Variants in TMEM108 observed in about 807,000 individuals in gnomAD.
TMEM108 encodes cancer/testis antigen 124.
In TMEM108, 12 loss-of-function variants were observed where a neutral mutation model predicts 35.1. The ratio of observed to expected loss-of-function variants is 0.34; its 90% CI spans 0.22 to 0.55. The LOEUF is 0.55. TMEM108 is among the 20% of genes least tolerant of loss of function. TMEM108 has a pLI of 0.89. For synonymous variants in TMEM108, 287 were observed against 308.6 expected (o/e 0.93, Z 0.73); for missense variants, 680 against 753.3 (o/e 0.90, Z 1.14).
intron 3 of TMEM108, among the ~76,000 whole-genome samples, chr3:133,334,807 A>C (rs978927388): frequency 2.6e-5 from 4 of 152,234 alleles, no homozygotes; most frequent in African/African-American, 9.6e-5. Flanking sequence ...TAACTGATAC[A>C]TGGTGTTCCT....
intron 3 of TMEM108, among the ~76,000 whole-genome samples, chr3:133,334,534 C>T (rs2071454387): frequency 6.6e-6 from 1 of 152,060 alleles, no homozygotes; most frequent in Non-Finnish European, 1.5e-5. Context: ...CTGTGTCCAT[C>T]TGGCAGGAGG....
At chr3:133,197,448 T>C (rs1945595308) in intron 2 of TMEM108, among the ~76,000 whole-genome samples, 1 of 152,154 alleles carries the variant, frequency 6.6e-6, no homozygotes, top group African/African-American at 2.4e-5. Flanking sequence ...GGTAGGAGCT[T>C]GATTCTATCA....
chr3:133,058,811 A>G (rs1015385098), intron 2 of TMEM108, among the ~76,000 whole-genome samples: 3 of 152,214 alleles, frequency 2.0e-5, no homozygotes, highest in Non-Finnish European at 2.9e-5. Context: ...GGATCCTGCC[A>G]TGTGCTTCTC....
At chr3:133,170,829 T>C (rs1459441932) in intron 2 of TMEM108, among the ~76,000 whole-genome samples, 2 of 152,222 alleles carry the variant, frequency 1.3e-5, no homozygotes, top group Non-Finnish European at 2.9e-5. Context: ...TGCTGAATTG[T>C]GGAGGTTTAA....
At chr3:133,260,304 A>ATT (rs1034898878) in intron 3 of TMEM108, among the ~76,000 whole-genome samples, 2 of 133,296 alleles carry the variant, frequency 1.5e-5, no homozygotes, top group Non-Finnish European at 3.2e-5. Context: ...AAAAAAAAAA[A>ATT]TTTATTATCA....
intron 2 of TMEM108, among the ~76,000 whole-genome samples, chr3:133,103,312 C>G (rs770918858): frequency 6.6e-6 from 1 of 152,116 alleles, no homozygotes; most frequent in Non-Finnish European, 1.5e-5. Context: ...ATGCCATTAT[C>G]CTTAGCAAAC....
At chr3:133,144,096 A>G (rs576593267) in intron 2 of TMEM108, among the ~76,000 whole-genome samples, 10 of 151,810 alleles carry the variant, frequency 6.6e-5, no homozygotes, top group Non-Finnish European at 1.5e-4. Context: ...TATATTAGGT[A>G]TTTCTCCTAA....
At chr3:133,138,948 G>C (rs1405947770) in intron 2 of TMEM108, among the ~76,000 whole-genome samples, 1 of 150,238 alleles carries the variant, frequency 6.7e-6, no homozygotes, top group East Asian at 2.0e-4. Context: ...CCCTGTGTGT[G>C]ATGTTCCCCT....
Position 133,277,504 on chromosome 3 carries a change from A to G in TMEM108, c.40+48153A>G, listed in dbSNP as rs775543812. On this transcript the variant is annotated intron_variant, in intron 3 of 5. Transcript: ENST00000321871. ...AGATAGATGTTCCAAAGGGATAGCC[A>G]TGGGAGAGGTGAGGATCCCTGACTC... Among the ~76,000 whole-genome samples the G allele has an allele frequency of 4.1e-4, 62 of 152,240 alleles. 1 individual carries two copies. The highest frequency in any genetic ancestry group is 1.3e-4 in the Non-Finnish European group (9 of 68,040).
intron 2 of TMEM108, among the ~76,000 whole-genome samples, chr3:133,212,961 C>T (rs919950703): frequency 1.3e-5 from 2 of 151,416 alleles, no homozygotes; most frequent in East Asian, 1.9e-4. Flanking sequence ...GATATTCCTG[C>T]GTTTAATATG....
chr3:133,202,865 C>G (rs1945691539), intron 2 of TMEM108, among the ~76,000 whole-genome samples: 1 of 152,152 alleles, frequency 6.6e-6, no homozygotes, highest in Non-Finnish European at 1.5e-5. Context: ...ATCATTGAAT[C>G]TATAAATTAC....
intron 3 of TMEM108, among the ~76,000 whole-genome samples, chr3:133,345,248 A>G (rs2071781470): frequency 6.6e-6 from 1 of 151,930 alleles, no homozygotes. Flanking sequence ...CTAAGAATGC[A>G]AAGATGGATT....
chr3:133,370,433 T>C (rs1285259774), intron 3 of TMEM108, among the ~76,000 whole-genome samples: 1 of 152,234 alleles, frequency 6.6e-6, no homozygotes, highest in African/African-American at 2.4e-5. Context: ...AGGGTACATA[T>C]TGTCATCATG....
At chr3:133,213,941 A>G (rs557333074) in intron 2 of TMEM108, among the ~76,000 whole-genome samples, 1 of 152,258 alleles carries the variant, frequency 6.6e-6, no homozygotes, top group Non-Finnish European at 1.5e-5. Flanking sequence ...AATAAATCCA[A>G]TTTTAATATG....
At chr3:133,282,926 A>G (rs1946935260) in intron 3 of TMEM108, among the ~76,000 whole-genome samples, 1 of 152,234 alleles carries the variant, frequency 6.6e-6, no homozygotes, top group African/African-American at 2.4e-5. Context: ...TTTCCAAAAC[A>G]TATGGATAAA....
chr3:133,231,943 T>G (rs1460635342), intron 3 of TMEM108, among the ~76,000 whole-genome samples: 1 of 152,112 alleles, frequency 6.6e-6, no homozygotes, highest in African/African-American at 2.4e-5. Context: ...TGGCCCAGGG[T>G]GCTCAGTGAG....
chr3:133,216,257 T>C (rs1945906895), intron 2 of TMEM108, among the ~76,000 whole-genome samples: 1 of 152,114 alleles, frequency 6.6e-6, no homozygotes, highest in Non-Finnish European at 1.5e-5. Flanking sequence ...TCCTTCTGAC[T>C]CAGTGCAAGT....
chr3:133,066,378 C>A lies in TMEM108; in HGVS notation c.-47+20358C>A, dbSNP rs186590241. ...TCTAGAAAGGATTTAGGATGGTTTA[C>A]AAAGATTCATAAAAAATAATAACTT... On this transcript the variant is annotated intron_variant, in intron 2 of 5. Transcript: ENST00000321871. 2.0e-3 allele frequency among the ~76,000 whole-genome samples: 296 copies of A among 151,152 alleles called. 2 individuals carry two copies. Among genetic ancestry groups the A allele is most frequent in the African/African-American group, 6.7e-3 (276 of 41,136 alleles).
intron 3 of TMEM108, among the ~76,000 whole-genome samples, chr3:133,321,564 ATACTCCACTGACAGCACCAGACTTCAG>A (rs1237238643): frequency 3.9e-5 from 6 of 152,258 alleles, no homozygotes; most frequent in Admixed American, 6.5e-5. Flanking sequence ...CAACAAAAAA[ATACTCCACTGACAGCACCAGACTTCAG>A]TACTCCACTG....
Sources: allele counts gnomAD v4.1 joint callset (sites outside exome capture counted in the v4.1 genomes callset), GRCh38; gene constraint gnomAD v4.1.1; transcripts MANE v1.5; gene names NCBI Gene and HGNC (gene_info 2026-07-23, HGNC 2026-07-21).